HDAC9: variants seen among roughly 807,000 people sequenced by gnomAD.
HDAC9 encodes the protein MEF-2 interacting transcription repressor (MITR) protein.
Under a neutral mutation model 139.4 loss-of-function variants are expected in HDAC9, and 41 were observed. That is an observed-to-expected ratio of 0.29 (90% CI 0.23 to 0.38). HDAC9 has a LOEUF of 0.38. Ranked by LOEUF, HDAC9 falls within the 10% of genes least tolerant of loss-of-function variation. The pLI, the probability that HDAC9 is intolerant of heterozygous loss-of-function variation, is 1.00. For missense variants in HDAC9, 1,147 were observed against 1,297.0 expected (o/e 0.88, Z 1.78); for synonymous variants, 517 against 476.2 (o/e 1.09, Z -1.12).
intron 14 of HDAC9, among the ~76,000 whole-genome samples, chr7:18,761,303 A>G (rs1789363958): frequency 6.6e-6 from 1 of 152,158 alleles, no homozygotes; most frequent in African/African-American, 2.4e-5. Flanking sequence ...AAGGGCTGTA[A>G]TTTGTTAGCT....
chr7:18,254,589 G>A (rs1422758590), intron 2 of HDAC9, among the ~76,000 whole-genome samples: 1 of 152,154 alleles, frequency 6.6e-6, no homozygotes, highest in African/African-American at 2.4e-5. Flanking sequence ...GTAAAATCAA[G>A]GTTTATCTGA....
At chr7:18,994,776 T>C (rs1786325127) in intron 25 of HDAC9, among the ~76,000 whole-genome samples, 2 of 152,182 alleles carry the variant, frequency 1.3e-5, no homozygotes, top group Non-Finnish European at 2.9e-5. Flanking sequence ...ATCTGTAAAA[T>C]AACATGGCCA....
At chr7:18,463,958 C>T (rs576238845) in intron 1 of HDAC9, among the ~76,000 whole-genome samples, 52 of 152,010 alleles carry the variant, frequency 3.4e-4, no homozygotes, top group Non-Finnish European at 5.7e-4. Flanking sequence ...TGAGACTCCT[C>T]TGGTCAATTA....
chr7:18,257,432 C>A (rs927935562), intron 2 of HDAC9, among the ~76,000 whole-genome samples: 1 of 150,142 alleles, frequency 6.7e-6, no homozygotes, highest in Admixed American at 6.6e-5. Context: ...CACACACACA[C>A]ACACAAAAAG....
At chr7:18,369,978 A>G (rs1278644957) in intron 1 of HDAC9, among the ~76,000 whole-genome samples, 2 of 152,160 alleles carry the variant, frequency 1.3e-5, no homozygotes, top group Non-Finnish European at 2.9e-5. Context: ...TTGAAAGCAT[A>G]TTCAAGAAGA....
At chr7:18,092,505 G>A (rs1728436603) in intron 1 of HDAC9, among the ~76,000 whole-genome samples, 1 of 151,646 alleles carries the variant, frequency 6.6e-6, no homozygotes, top group African/African-American at 2.4e-5. Flanking sequence ...AATTTGTCCT[G>A]TGAGGTACTG....
chr7:18,718,867 C>T (rs917511902), intron 12 of HDAC9, among the ~76,000 whole-genome samples: 6 of 152,168 alleles, frequency 3.9e-5, no homozygotes, highest in Non-Finnish European at 8.8e-5. Flanking sequence ...AAAGTGGCTG[C>T]ATCATTTTAC....
intron 22 of HDAC9, among the ~76,000 whole-genome samples, chr7:18,932,927 G>C (rs1339446331): frequency 1.3e-5 from 2 of 151,730 alleles, no homozygotes; most frequent in Non-Finnish European, 2.9e-5. Flanking sequence ...AAAGTTTTAA[G>C]GTCCATATTT....
chr7:18,507,194 T>C (rs1800041315), intron 2 of HDAC9, among the ~76,000 whole-genome samples: 1 of 148,790 alleles, frequency 6.7e-6, no homozygotes, highest in South Asian at 2.1e-4. Context: ...ATTATTATTA[T>C]TATTATTACT....
intron 1 of HDAC9, among the ~76,000 whole-genome samples, chr7:18,148,566 C>G (rs1562675922): frequency 6.6e-6 from 1 of 152,192 alleles, no homozygotes; most frequent in Non-Finnish European, 1.5e-5. Context: ...ATGCGATTCC[C>G]CCACCTCAGC....
chr7:18,656,090 G>A (rs1273123127), intron 11 of HDAC9, among the ~76,000 whole-genome samples: 2 of 150,760 alleles, frequency 1.3e-5, no homozygotes, highest in African/African-American at 4.9e-5. Flanking sequence ...CAAGTTCCTG[G>A]TTTTAGTTCT....
upstream of HDAC9, among the ~76,000 whole-genome samples, chr7:18,491,095 A>C (rs192387161): frequency 6.6e-6 from 1 of 151,936 alleles, no homozygotes; most frequent in African/African-American, 2.4e-5. Context: ...CCAGTTATCA[A>C]CTGAGATTGA....
rs1444983486 is a variant in HDAC9, at chr7:18,168,894, T to TG, written c.25+6545_25+6546insG. ...CAAATGTCTTGTTTTTTTTTTTTTT[T>TG]TTTTGTGTGTGTGTGTGTGTGTGTG... On this transcript the variant is annotated intron_variant, in intron 2 of 12. Transcript: ENST00000417496. Among the ~76,000 whole-genome samples the TG allele has an allele frequency of 7.0e-3, 777 of 111,424 alleles. 2 individuals carry two copies. The highest frequency in any genetic ancestry group is 0.053 in the East Asian group (216 of 4,088). 73.1% of individuals were successfully genotyped at this position (111,424 alleles called of 152,430 possible).
At chr7:18,747,680 G>T (rs1340008881) in intron 13 of HDAC9, among the ~76,000 whole-genome samples, 1 of 152,146 alleles carries the variant, frequency 6.6e-6, no homozygotes, top group African/African-American at 2.4e-5. Flanking sequence ...GAAAATGTGA[G>T]AATCAGGGGA....
At chr7:18,649,968 C>T (rs1584590969) in intron 11 of HDAC9, among the ~76,000 whole-genome samples, 1 of 152,062 alleles carries the variant, frequency 6.6e-6, no homozygotes, top group Non-Finnish European at 1.5e-5. Context: ...TTAGATAATG[C>T]CTATTTTATT....
chr7:18,223,235 T>A (rs1490255958), intron 2 of HDAC9, among the ~76,000 whole-genome samples: 3 of 152,172 alleles, frequency 2.0e-5, no homozygotes, highest in African/African-American at 7.2e-5. Flanking sequence ...TTGATACGTA[T>A]GTTGTAAATA....
intron 2 of HDAC9, among the ~76,000 whole-genome samples, chr7:18,195,809 G>A (rs1453618999): frequency 6.6e-6 from 1 of 151,952 alleles, no homozygotes; most frequent in African/African-American, 2.4e-5. Context: ...CAATATGTTT[G>A]CCGTTATGTA....
intron 22 of HDAC9, among the ~76,000 whole-genome samples, chr7:18,910,777 A>T (rs1563048907): frequency 6.6e-6 from 1 of 151,768 alleles, no homozygotes; most frequent in Non-Finnish European, 1.5e-5. Context: ...TCTAAGTTGA[A>T]CCATCCTTGC....
intron 21 of HDAC9, among the ~76,000 whole-genome samples, chr7:18,859,125 A>G (rs1797901899): frequency 6.6e-6 from 1 of 152,128 alleles, no homozygotes; most frequent in African/African-American, 2.4e-5. Flanking sequence ...TCTTAGTCTT[A>G]CTGTCTATAA....
Sources: allele counts gnomAD v4.1 joint callset (sites outside exome capture counted in the v4.1 genomes callset), GRCh38; gene constraint gnomAD v4.1.1; transcripts MANE v1.5; gene names NCBI Gene and HGNC (gene_info 2026-07-23, HGNC 2026-07-21).